Variants in AXDND1 observed in about 807,000 individuals in gnomAD.
AXDND1 encodes axonemal dynein light chain domain-containing protein 1.
In AXDND1, 110 loss-of-function variants were observed where a neutral mutation model predicts 137.5. The ratio of observed to expected loss-of-function variants is 0.80; its 90% CI spans 0.69 to 0.94. The LOEUF (loss-of-function observed/expected upper bound fraction) is 0.94, where lower values mean the gene tolerates loss of function less well. Ranked by LOEUF, AXDND1 falls within the 40% of genes least tolerant of loss-of-function variation. AXDND1 has a pLI of 0.00. For missense variants in AXDND1, 1,191 were observed against 1,169.8 expected, an observed-to-expected ratio of 1.02 and a Z score of -0.26; for synonymous variants, 414 against 399.7, an observed-to-expected ratio of 1.04 and a Z score of -0.43.
At chr1:179,395,341 T>G in intron 11 of AXDND1, 139 bp downstream of exon 11, 1 of 643,888 alleles carries the variant, frequency 1.6e-6, no homozygotes, top group Non-Finnish European at 2.6e-6. Context: ...TGAATTTAGT[T>G]GATTTCTCAT....
chr1:179,369,006 A>T, intron 3 of AXDND1, 34 bp downstream of exon 3: 17 of 1,531,096 alleles, frequency 1.1e-5, no homozygotes, highest in Non-Finnish European at 1.5e-5. Context: ...AATGGGGAAC[A>T]TTATTTTTTG....
chr1:179,535,909 C>T (rs575055677), intron 25 of AXDND1, among the ~76,000 whole-genome samples: 31 of 152,216 alleles, frequency 2.0e-4, no homozygotes, highest in African/African-American at 7.2e-4. Context: ...TTTTAATGAT[C>T]GCCATTCTAA....
intron 16 of AXDND1, among the ~76,000 whole-genome samples, chr1:179,465,831 C>T (rs548900495): frequency 1.3e-5 from 2 of 152,294 alleles, no homozygotes; most frequent in South Asian, 4.2e-4. Flanking sequence ...GCGGACGCCC[C>T]TCCCCCAGCC....
chr1:179,541,326 A>T lies in AXDND1; in HGVS notation c.3031+6364A>T, dbSNP rs570536627. 2.6e-5 allele frequency among the ~76,000 whole-genome samples: 4 copies of T among 152,258 alleles called. No individual in the cohort carries two copies. In the East Asian group the frequency reaches 5.8e-4, roughly 22 times the overall value. ...CCTGCCCTGCTTTGGCTCTCCCTCC[A>T]TGGCCTGCACACACTGTCCAGCCAG... On this transcript the variant is annotated intron_variant, in intron 25 of 25. Coordinates refer to ENST00000367618, the MANE Select transcript of AXDND1 (RefSeq NM_144696.6).
rs772177001 is a variant in AXDND1 at position 179,551,350 on chromosome 1, G to T, written c.3032-3162G>T. The T allele has an allele frequency of 1.2e-6, 2 of 1,614,058 alleles. No homozygotes were observed. Among genetic ancestry groups the T allele is most frequent in the Admixed American group, 1.7e-5 (1 of 59,996 alleles). ...TCTCTGTGGACAGAGACTGAAGGGT[G>T]TGGAGGTATCGAAGCTGAACGGCAG... On this transcript the variant is annotated intron_variant, in intron 25 of 25. Coordinates refer to ENST00000367618, the MANE Select transcript of AXDND1 (RefSeq NM_144696.6).
chr1:179,499,270 A>C (rs1401541754), intron 20 of AXDND1, among the ~76,000 whole-genome samples: 1 of 152,196 alleles, frequency 6.6e-6, no homozygotes, highest in Non-Finnish European at 1.5e-5. Flanking sequence ...GTAAAGAAGT[A>C]CTGATACATG....
At chr1:179,369,931 G>T in intron 3 of AXDND1, 44 bp from the exon 4 acceptor site, 1 of 1,428,168 alleles carries the variant, frequency 7.0e-7, no homozygotes, top group Non-Finnish European at 9.8e-7. Flanking sequence ...TATTTGATTA[G>T]ATCGCCCTCT....
chr1:179,377,165 C>G (rs539804498), intron 4 of AXDND1, among the ~76,000 whole-genome samples: 1 of 152,300 alleles, frequency 6.6e-6, no homozygotes, highest in Admixed American at 6.5e-5. Flanking sequence ...CTCCTGACCT[C>G]AAGTGATCTG....
chr1:179,496,065 C>A (rs1353590110), intron 20 of AXDND1, among the ~76,000 whole-genome samples: 1 of 151,786 alleles, frequency 6.6e-6, no homozygotes, highest in Non-Finnish European at 1.5e-5. Context: ...CTGGAATAAA[C>A]TCCACTTGAT....
At chr1:179,458,771 A>C (rs1661783025) in intron 16 of AXDND1, among the ~76,000 whole-genome samples, 1 of 152,072 alleles carries the variant, frequency 6.6e-6, no homozygotes, top group Non-Finnish European at 1.5e-5. Flanking sequence ...AAAACAAATA[A>C]AAAACCAATA....
chr1:179,397,039 G>A (rs1430095807), intron 11 of AXDND1, among the ~76,000 whole-genome samples: 1 of 152,168 alleles, frequency 6.6e-6, no homozygotes, highest in Non-Finnish European at 1.5e-5. Context: ...ATGTTAGCTG[G>A]TTATAATGCA....
At chr1:179,418,863 G>A (rs1263149679) in intron 12 of AXDND1, among the ~76,000 whole-genome samples, 1 of 151,814 alleles carries the variant, frequency 6.6e-6, no homozygotes, top group Non-Finnish European at 1.5e-5. Flanking sequence ...TCTCAGACGG[G>A]GCTGTTGCCA....
At chr1:179,528,495 T>C in intron 23 of AXDND1, 64 bp downstream of exon 23, 1 of 1,165,184 alleles carries the variant, frequency 8.6e-7, no homozygotes, top group Non-Finnish European at 1.3e-6. Flanking sequence ...AATGATATGG[T>C]GCTAACATAA....
chr1:179,432,249 T>C lies in AXDND1; in HGVS notation c.1488-18T>C. On this transcript the variant is annotated intron_variant, in intron 14 of 25. Transcript: ENST00000367618. ...TCTTGTTCTGAGATGTTTCTCTTTT[T>C]TTTTTTCTTCTTTTCAGTGAAAAAG... The C allele has an allele frequency of 6.6e-7, 1 of 1,524,040 alleles. No individual in the cohort carries two copies. The highest frequency in any genetic ancestry group is 8.8e-7 in the Non-Finnish European group (1 of 1,131,906). 94.4% of individuals were successfully genotyped at this position (1,524,040 alleles called of 1,614,324 possible). A position where few individuals can be genotyped will look rare whatever the true frequency, so the allele number is the denominator to read the frequency against.
chr1:179,464,353 T>G (rs1193850610), intron 16 of AXDND1, among the ~76,000 whole-genome samples: 1 of 152,200 alleles, frequency 6.6e-6, no homozygotes, highest in African/African-American at 2.4e-5. Context: ...GTAAAGGATT[T>G]TATTTCTCCT....
intron 4 of AXDND1, among the ~76,000 whole-genome samples, chr1:179,372,547 A>T (rs192887127): frequency 6.6e-6 from 1 of 152,102 alleles, no homozygotes; most frequent in Non-Finnish European, 1.5e-5. Context: ...AAATCCAGTT[A>T]TTATGTTATG....
intron 2 of AXDND1, among the ~76,000 whole-genome samples, chr1:179,367,662 G>C (rs914753172): frequency 6.6e-6 from 1 of 152,104 alleles, no homozygotes; most frequent in African/African-American, 2.4e-5. Flanking sequence ...ACTTGAACCC[G>C]GGAGGCAGAG....
chr1:179,444,964 C>T lies in AXDND1; in HGVS notation c.1564-6C>T. The T allele has an allele frequency of 6.3e-7, 1 of 1,579,474 alleles. No homozygotes were observed. The highest frequency in any genetic ancestry group is 2.2e-5 in the East Asian group (1 of 44,602). ...TGCTACTCTCCCTCTTCCTTTCACT[C>T]TTTAGATCCTGAATGAGAAAAAAGA... On this transcript the variant is annotated splice_polypyrimidine_tract_variant and splice_region_variant and intron_variant, in intron 15 of 25. Transcript: ENST00000367618.
chr1:179,516,452 T>C, intron 21 of AXDND1, among the ~76,000 whole-genome samples: 1 of 152,230 alleles, frequency 6.6e-6, no homozygotes, highest in African/African-American at 2.4e-5. Context: ...TTCTTTTTCA[T>C]GTAAATCAGG....
Sources: gnomAD v4.1 joint callset for allele counts (sites outside exome capture counted in the v4.1 genomes callset) on GRCh38, gnomAD v4.1.1 for gene constraint, MANE v1.5 for transcripts, NCBI Gene and HGNC (gene_info 2026-07-23, HGNC 2026-07-21) for gene names.